Variants in ANKRD33B observed in about 807,000 individuals in gnomAD.
ANKRD33B encodes the protein ankyrin repeat domain-containing protein 33B.
A neutral mutation model predicts 21.5 loss-of-function variants in ANKRD33B; 6 were observed. The ratio of observed to expected loss-of-function variants is 0.28; its 90% CI spans 0.15 to 0.55. The LOEUF is 0.55. Among genes scored for constraint, ANKRD33B ranks in the 20% least tolerant of loss-of-function variants. The pLI is 0.94. For missense variants in ANKRD33B, 698 were observed against 747.2 expected (o/e 0.93, Z 0.77); for synonymous variants, 347 against 342.4 (o/e 1.01, Z -0.15).
At chr5:10,591,443 C>G (rs1735688547) in intron 1 of ANKRD33B, among the ~76,000 whole-genome samples, 1 of 152,112 alleles carries the variant, frequency 6.6e-6, no homozygotes, top group African/African-American at 2.4e-5. Context: ...ATCTGCCACC[C>G]TTGGCCTCCC....
intron 2 of ANKRD33B, among the ~76,000 whole-genome samples, chr5:10,631,232 G>A (rs1191650196): frequency 1.3e-5 from 2 of 152,194 alleles, no homozygotes; most frequent in Non-Finnish European, 2.9e-5. Context: ...AGAAACCTTT[G>A]CTTCTGAGGC....
intron 1 of ANKRD33B, 112 bp downstream of exon 1, chr5:10,564,945 T>G (rs1735014773): frequency 1.5e-6 from 2 of 1,361,638 alleles, no homozygotes; most frequent in Admixed American, 2.9e-5. Flanking sequence ...CCTCGGTCAC[T>G]CAGCCGCCGC....
chr5:10,565,662 G>A (rs1735032784), intron 1 of ANKRD33B, among the ~76,000 whole-genome samples: 1 of 152,256 alleles, frequency 6.6e-6, no homozygotes, highest in Admixed American at 6.5e-5. Context: ...AAGAAAAAAA[G>A]TTGGCTTAAG....
At chr5:10,609,622 A>G (rs558581731) in intron 1 of ANKRD33B, among the ~76,000 whole-genome samples, 14 of 151,480 alleles carry the variant, frequency 9.2e-5, no homozygotes, top group Non-Finnish European at 2.1e-4. Flanking sequence ...AAAGAATTCA[A>G]ACTGGGCTAG....
intron 1 of ANKRD33B, among the ~76,000 whole-genome samples, chr5:10,569,269 C>A (rs1172060776): frequency 2.0e-5 from 3 of 152,100 alleles, no homozygotes; most frequent in South Asian, 2.1e-4. Flanking sequence ...TGTATGCTTG[C>A]GGAGGGCCTG....
chr5:10,567,348 G>A (rs1026703979), intron 1 of ANKRD33B, among the ~76,000 whole-genome samples: 1 of 152,240 alleles, frequency 6.6e-6, no homozygotes, highest in African/African-American at 2.4e-5. Flanking sequence ...AGTGTTTACC[G>A]CAGACCTACT....
At chr5:10,610,807 G>T (rs1036234061) in intron 1 of ANKRD33B, among the ~76,000 whole-genome samples, 9 of 152,220 alleles carry the variant, frequency 5.9e-5, no homozygotes, top group African/African-American at 1.9e-4. Context: ...CACTTTGGGA[G>T]GCCGAGGTGG....
At chr5:10,633,370 A>T (rs1232571629) in intron 2 of ANKRD33B, among the ~76,000 whole-genome samples, 1 of 152,222 alleles carries the variant, frequency 6.6e-6, no homozygotes, top group African/African-American at 2.4e-5. Context: ...GAGTGCTGGG[A>T]TTACAGGCGT....
chr5:10,566,762 C>G (rs1210004495), intron 1 of ANKRD33B, among the ~76,000 whole-genome samples: 1 of 152,208 alleles, frequency 6.6e-6, no homozygotes, highest in African/African-American at 2.4e-5. Context: ...GGGAGGCTAG[C>G]TCCAGCCTCC....
Position 10,655,141 on chromosome 5 carries a change from A to G in ANKRD33B, c.*5028A>G, listed in dbSNP as rs1467862701. On this transcript the variant is annotated 3_prime_UTR_variant, in exon 4 of 4. Transcript: ENST00000296657. ...GTTGGTTGGAAAATAGGATTTATGG[A>G]TGCAGGAGGGCCGTGCTAGGCCCCT... 3 of 152,290 alleles carry G rather than the reference A, an allele frequency of 2.0e-5. No individual in the cohort carries two copies. Among genetic ancestry groups the G allele is most frequent in the African/African-American group, 7.2e-5 (3 of 41,422 alleles). The allele number at this position is 152,290 out of a possible 1,614,324, so 9.4% of individuals were successfully genotyped here. A position where few individuals can be genotyped will look rare whatever the true frequency, so the allele number is the denominator to read the frequency against.
rs1296225302 is a variant in ANKRD33B at position 10,653,210 on chromosome 5, C to T, written c.*3097C>T. 6.6e-6 allele frequency: 1 copy of T among 152,540 alleles called. No individual in the cohort carries two copies. Among genetic ancestry groups the T allele is most frequent in the African/African-American group, 2.4e-5 (1 of 41,462 alleles). 9.4% of individuals were successfully genotyped at this position (152,540 alleles called of 1,614,324 possible). On this transcript the variant is annotated 3_prime_UTR_variant, in exon 4 of 4. Transcript: ENST00000296657. Reference sequence around the variant, plus strand: ...GCCCATGCGGCGGGTCCAGGCAGCTCCTGCAGCTGTGCTCATGGCTGCTGG... The same window carrying T: ...GCCCATGCGGCGGGTCCAGGCAGCTTCTGCAGCTGTGCTCATGGCTGCTGG...
chr5:10,601,579 T>C lies in ANKRD33B; in HGVS notation c.367-16754T>C, dbSNP rs116107118. Reference sequence around the variant, plus strand: ...TCTGCCTCCTTCCCCAGACTGAATGTCCTGAGGGGAGGGAGTCGCATTTCA... The same window carrying C: ...TCTGCCTCCTTCCCCAGACTGAATGCCCTGAGGGGAGGGAGTCGCATTTCA... On this transcript the variant is annotated intron_variant, in intron 1 of 3. Transcript: ENST00000296657. 2.1e-3 allele frequency among the ~76,000 whole-genome samples: 317 copies of C among 152,322 alleles called. 2 individuals carry two copies. Among genetic ancestry groups the C allele is most frequent in the African/African-American group, 7.2e-3 (299 of 41,572 alleles).
intron 3 of ANKRD33B, among the ~76,000 whole-genome samples, chr5:10,638,860 T>C (rs1328207163): frequency 6.6e-6 from 1 of 151,950 alleles, no homozygotes; most frequent in Non-Finnish European, 1.5e-5. Flanking sequence ...TAAGAGGCAA[T>C]GTGGAGTTGC....
At chr5:10,624,671 TA>T (rs1736503769) in intron 2 of ANKRD33B, 1 of 448,130 alleles carries the variant, frequency 2.2e-6, no homozygotes, top group Non-Finnish European at 4.5e-6. Flanking sequence ...GTGTGTGTCT[TA>T]ATTGCCTCAA....
At chr5:10,595,853 T>C (rs1469179053) in intron 1 of ANKRD33B, among the ~76,000 whole-genome samples, 2 of 152,214 alleles carry the variant, frequency 1.3e-5, no homozygotes, top group Non-Finnish European at 2.9e-5. Context: ...ATCCATTTTT[T>C]TGCCTCCTCT....
At chr5:10,648,500 C>T (rs941645409) in intron 3 of ANKRD33B, among the ~76,000 whole-genome samples, 6 of 152,242 alleles carry the variant, frequency 3.9e-5, no homozygotes, top group Admixed American at 1.3e-4. Flanking sequence ...TGGCTCACGC[C>T]TGTAATCCCA....
At chr5:10,621,947 A>G (rs1319299288) in intron 2 of ANKRD33B, among the ~76,000 whole-genome samples, 1 of 152,202 alleles carries the variant, frequency 6.6e-6, no homozygotes, top group Non-Finnish European at 1.5e-5. Context: ...TAAGAAGAGG[A>G]AGAGACCAGA....
chr5:10,622,159 A>G (rs1304718164), intron 2 of ANKRD33B, among the ~76,000 whole-genome samples: 3 of 152,260 alleles, frequency 2.0e-5, no homozygotes, highest in Non-Finnish European at 4.4e-5. Flanking sequence ...GCTGTGGACA[A>G]TCAGTTTTAC....
chr5:10,570,899 TA>T (rs1193737377), intron 1 of ANKRD33B, among the ~76,000 whole-genome samples: 176 of 128,870 alleles, frequency 1.4e-3, no homozygotes, highest in African/African-American at 4.5e-3. Flanking sequence ...ATGACTCAAA[TA>T]ACCTTTTTTT....
Sources: gnomAD v4.1 joint callset for allele counts (sites outside exome capture counted in the v4.1 genomes callset) on GRCh38, gnomAD v4.1.1 for gene constraint, MANE v1.5 for transcripts, NCBI Gene and HGNC (gene_info 2026-07-23, HGNC 2026-07-21) for gene names.